SENP5: variants seen among roughly 807,000 people sequenced by gnomAD.
The protein encoded by SENP5 is SUMO specific peptidase 5.
A neutral mutation model predicts 74.2 loss-of-function variants in SENP5; 21 were observed. That is an observed-to-expected ratio of 0.28 (90% CI 0.20 to 0.41). SENP5 has a LOEUF of 0.41. Among genes scored for constraint, SENP5 ranks in the 10% least tolerant of loss-of-function variants. The probability of loss-of-function intolerance (pLI) is 1.00; values close to 1 mark genes in which losing one functional copy is unlikely to be tolerated. For missense variants in SENP5, 717 were observed against 889.1 expected (o/e 0.81, Z 2.46); for synonymous variants, 311 against 312.7 (o/e 0.99, Z 0.06).
At chr3:196,887,511 G>GTT (rs113215771) in intron 2 of SENP5, among the ~76,000 whole-genome samples, 6 of 142,826 alleles carry the variant, frequency 4.2e-5, no homozygotes, top group Admixed American at 7.1e-5. Context: ...GATTGTTTCT[G>GTT]TTTTTTTTTT....
chr3:196,885,450 G>A lies in SENP5; in HGVS notation c.269G>A (p.Ser90Asn). 1 of 1,614,100 alleles carries A rather than the reference G, an allele frequency of 6.2e-7. No individual in the cohort carries two copies. Among genetic ancestry groups the A allele is most frequent in the Non-Finnish European group, 8.5e-7 (1 of 1,180,022 alleles). The change falls in exon 2 of 10, where the codon AGT (serine) becomes AAT (asparagine). Residue 90 changes from serine (S) to asparagine (N), a missense_variant. Physicochemically the swap from Ser to Asn is conservative, Grantham distance 46. Transcript: ENST00000323460. Reference protein sequence around the residue: ...TKFNVATQNVSTLSSKVKRKD... With the variant: ...TKFNVATQNVNTLSSKVKRKD... The stretch of plus-strand genomic sequence containing the variant: ...TTCAATGTGGCTACTCAAAATGTTA[G>A]TACTTTGTCCTCTAAAGTGAAAAGA...
chr3:196,889,817 C>G (rs1342922423), intron 2 of SENP5, among the ~76,000 whole-genome samples: 1 of 152,112 alleles, frequency 6.6e-6, no homozygotes, highest in Non-Finnish European at 1.5e-5. Flanking sequence ...AAGATTAGTA[C>G]AGGGAAGTGG....
intron 2 of SENP5, among the ~76,000 whole-genome samples, chr3:196,889,444 A>G (rs1216739799): frequency 1.3e-5 from 2 of 152,248 alleles, no homozygotes; most frequent in East Asian, 3.8e-4. Context: ...TAGTGACAAT[A>G]TAATTCACTA....
At chr3:196,918,192 A>G (rs1313056069) in intron 6 of SENP5, among the ~76,000 whole-genome samples, 1 of 151,804 alleles carries the variant, frequency 6.6e-6, no homozygotes, top group Non-Finnish European at 1.5e-5. Flanking sequence ...CTGTAGTCCC[A>G]GCTACTCGGG....
intron 6 of SENP5, among the ~76,000 whole-genome samples, chr3:196,908,787 C>A (rs907385133): frequency 9.2e-5 from 14 of 151,764 alleles, no homozygotes; most frequent in African/African-American, 3.4e-4. Context: ...TGCGCCATTG[C>A]ACTCCAGCCT....
At chr3:196,887,096 T>C (rs181294000) in intron 2 of SENP5, among the ~76,000 whole-genome samples, 4 of 152,338 alleles carry the variant, frequency 2.6e-5, no homozygotes, top group African/African-American at 9.6e-5. Context: ...GAGTTTTGTT[T>C]TAATTTGCAT....
At chr3:196,887,386 GC>G (rs1206439100) in intron 2 of SENP5, among the ~76,000 whole-genome samples, 2 of 151,852 alleles carry the variant, frequency 1.3e-5, no homozygotes, top group African/African-American at 4.8e-5. Flanking sequence ...CACCATGTTG[GC>G]CAGGCTGGTC....
chr3:196,929,608 A>G, intron 8 of SENP5, 25 bp from the exon 9 acceptor site: 1 of 1,453,316 alleles, frequency 6.9e-7, no homozygotes, highest in Non-Finnish European at 9.5e-7. Context: ...TCTTGTTTTA[A>G]TGACTATTTT....
At chr3:196,915,994 A>G (rs192184770) in intron 6 of SENP5, among the ~76,000 whole-genome samples, 13 of 152,260 alleles carry the variant, frequency 8.5e-5, no homozygotes, top group African/African-American at 3.1e-4. Context: ...CTAACTCTTG[A>G]TTGCCCAGAC....
intron 1 of SENP5, among the ~76,000 whole-genome samples, chr3:196,868,555 C>T (rs1241878185): frequency 1.3e-5 from 2 of 152,218 alleles, no homozygotes; most frequent in Non-Finnish European, 2.9e-5. Flanking sequence ...TCGGTCTGCT[C>T]TGAGCGGTAT....
intron 1 of SENP5, among the ~76,000 whole-genome samples, chr3:196,879,980 C>G (rs557880873): frequency 2.1e-4 from 32 of 152,274 alleles, no homozygotes; most frequent in African/African-American, 7.7e-4. Flanking sequence ...TGGTCTCACT[C>G]TGTTGCCCAG....
chr3:196,919,407 A>C (rs1438329494), intron 6 of SENP5, among the ~76,000 whole-genome samples: 2 of 152,190 alleles, frequency 1.3e-5, no homozygotes, highest in Non-Finnish European at 2.9e-5. Context: ...CTTGAACCCT[A>C]GCAGCGGAGG....
chr3:196,880,558 TCA>T (rs1192062988), intron 1 of SENP5, among the ~76,000 whole-genome samples: 1 of 152,066 alleles, frequency 6.6e-6, no homozygotes, highest in Non-Finnish European at 1.5e-5. Flanking sequence ...CTCCTTAATC[TCA>T]GTCTTTCATT....
At chr3:196,884,816 G>T (rs565888411) in intron 1 of SENP5, among the ~76,000 whole-genome samples, 1 of 152,198 alleles carries the variant, frequency 6.6e-6, no homozygotes, top group South Asian at 2.1e-4. Flanking sequence ...GGTGTCAGGT[G>T]TGAGGATTAC....
chr3:196,869,730 G>A (rs1386536366), intron 1 of SENP5, among the ~76,000 whole-genome samples: 3 of 117,488 alleles, frequency 2.6e-5, no homozygotes, highest in African/African-American at 9.9e-5. Flanking sequence ...TTACACTCCA[G>A]CCTGGGCAAC....
intron 6 of SENP5, among the ~76,000 whole-genome samples, chr3:196,911,703 G>A (rs1324188753): frequency 6.6e-6 from 1 of 152,062 alleles, no homozygotes; most frequent in Non-Finnish European, 1.5e-5. Flanking sequence ...CCAGCTACTC[G>A]GGAGGCTGAG....
chr3:196,903,582 A>G lies in SENP5; in HGVS notation c.1856A>G (p.Tyr619Cys). ...FFHRQLVTKG[Y>C]NGVKRWTKKV... ...CATAGACAGCTGGTAACCAAAGGAT[A>G]TAATGGAGTAAAAAGATGGACTAAA... The change falls in exon 6 of 10, where the codon TAT becomes TGT. Residue 619 changes from tyrosine (Y) to cysteine (C), a missense_variant. Tyr to Cys is a radical substitution (Grantham distance 194). Transcript: ENST00000323460. 6.2e-7 allele frequency: 1 copy of G among 1,605,788 alleles called. No individual in the cohort carries two copies. The highest frequency in any genetic ancestry group is 8.5e-7 in the Non-Finnish European group (1 of 1,176,690).
chr3:196,898,430 TAA>T (rs763683738), intron 2 of SENP5, among the ~76,000 whole-genome samples: 2 of 144,648 alleles, frequency 1.4e-5, no homozygotes, highest in East Asian at 2.0e-4. Flanking sequence ...ACCCTCATCT[TAA>T]AAAAAAAAAA....
At position 196,916,741 on chromosome 3, in the gene SENP5, G is replaced by A. The variant is rs188466823; in HGVS notation, c.1885-6673G>A. Among the ~76,000 whole-genome samples the A allele has an allele frequency of 3.2e-4, 48 of 151,980 alleles. No individual in the cohort carries two copies. In the East Asian group the frequency reaches 7.0e-3, roughly 22 times the overall value. On this transcript the variant is annotated intron_variant, in intron 6 of 9. Transcript: ENST00000323460. ...AGGGTTTCACCATGATGGTCGGACT[G>A]GTCTCAAACTCCTGACCTTGTGATC... is the stretch of plus-strand genomic sequence containing the variant.
Sources: gnomAD v4.1 joint callset for allele counts (sites outside exome capture counted in the v4.1 genomes callset) on GRCh38, gnomAD v4.1.1 for gene constraint, MANE v1.5 for transcripts, NCBI Gene and HGNC (gene_info 2026-07-23, HGNC 2026-07-21) for gene names.